SPOCK3: variants seen among roughly 807,000 people sequenced by gnomAD.
The protein encoded by SPOCK3 is testican-3.
In SPOCK3, 30 loss-of-function variants were observed where a neutral mutation model predicts 56.6. That is an observed-to-expected ratio of 0.53 (90% CI 0.40 to 0.72). The LOEUF (loss-of-function observed/expected upper bound fraction) is 0.72. Ranked by LOEUF, SPOCK3 falls within the 30% of genes least tolerant of loss-of-function variation. The pLI, the probability that SPOCK3 is intolerant of heterozygous loss-of-function variation, is 0.00. For synonymous variants in SPOCK3, 196 were observed against 183.3 expected, an observed-to-expected ratio of 1.07 and a Z score of -0.56; for missense variants, 527 against 530.0, an observed-to-expected ratio of 0.99 and a Z score of 0.06.
chr4:167,049,423 G>A (rs932223833), intron 3 of SPOCK3, among the ~76,000 whole-genome samples: 15 of 152,098 alleles, frequency 9.9e-5, no homozygotes, highest in Non-Finnish European at 1.5e-4. Context: ...GAGGGTTTAC[G>A]TGAAAGCAAA....
chr4:167,182,179 T>A (rs983223921), intron 2 of SPOCK3, among the ~76,000 whole-genome samples: 1 of 152,180 alleles, frequency 6.6e-6, no homozygotes, highest in South Asian at 2.1e-4. Context: ...CTGCCTAATC[T>A]GGCAACTTTT....
intron 4 of SPOCK3, among the ~76,000 whole-genome samples, chr4:166,940,497 C>A (rs1740926529): frequency 6.6e-6 from 1 of 151,972 alleles, no homozygotes; most frequent in South Asian, 2.1e-4. Flanking sequence ...AGCATTTGCA[C>A]TGTAATTCAG....
chr4:167,059,909 A>T (rs1395829021), intron 3 of SPOCK3, among the ~76,000 whole-genome samples: 2 of 151,938 alleles, frequency 1.3e-5, no homozygotes, highest in East Asian at 3.9e-4. Context: ...AGAACAAAAA[A>T]CCAAACACCG....
chr4:167,179,615 C>T (rs967427430), intron 2 of SPOCK3, among the ~76,000 whole-genome samples: 5 of 152,104 alleles, frequency 3.3e-5, no homozygotes, highest in South Asian at 2.1e-4. Context: ...ATTTAATGAA[C>T]AGCCATGACA....
chr4:166,965,203 T>A (rs887888746), intron 4 of SPOCK3, among the ~76,000 whole-genome samples: 3 of 152,010 alleles, frequency 2.0e-5, no homozygotes, highest in African/African-American at 7.2e-5. Context: ...GTCAATATTT[T>A]ACCAATTCAT....
chr4:166,945,908 T>A (rs984903195), intron 4 of SPOCK3, among the ~76,000 whole-genome samples: 5 of 152,302 alleles, frequency 3.3e-5, no homozygotes, highest in Admixed American at 2.0e-4. Flanking sequence ...CATACTCTGC[T>A]CCACTTAAAG....
At chr4:166,740,831 G>A (rs183604020) in intron 9 of SPOCK3, among the ~76,000 whole-genome samples, 40 of 152,198 alleles carry the variant, frequency 2.6e-4, no homozygotes, top group Admixed American at 1.8e-3. Context: ...CAGCCAGAAT[G>A]TATTATTTTC....
At chr4:166,770,803 C>T (rs1224926812) in intron 7 of SPOCK3, among the ~76,000 whole-genome samples, 1 of 151,876 alleles carries the variant, frequency 6.6e-6, no homozygotes, top group Non-Finnish European at 1.5e-5. Flanking sequence ...AAGATACAGA[C>T]TGGTTAAGAG....
At chr4:166,808,086 A>C (rs1743365646) in intron 6 of SPOCK3, among the ~76,000 whole-genome samples, 1 of 152,190 alleles carries the variant, frequency 6.6e-6, no homozygotes, top group Non-Finnish European at 1.5e-5. Flanking sequence ...ACACAGAAAA[A>C]GCACAGTCAT....
chr4:166,955,518 ATAT>A (rs1410169871), intron 4 of SPOCK3, among the ~76,000 whole-genome samples: 2 of 105,124 alleles, frequency 1.9e-5, no homozygotes, highest in South Asian at 2.5e-4. Context: ...TTATTAAATT[ATAT>A]TATATTATTA....
intron 5 of SPOCK3, among the ~76,000 whole-genome samples, chr4:166,903,412 A>G (rs1736270923): frequency 6.6e-6 from 1 of 151,994 alleles, no homozygotes; most frequent in Non-Finnish European, 1.5e-5. Context: ...GCTCAAAAGC[A>G]TCAACATTAT....
At chr4:167,195,412 T>A (rs1304155214) in intron 2 of SPOCK3, among the ~76,000 whole-genome samples, 1 of 152,100 alleles carries the variant, frequency 6.6e-6, no homozygotes, top group Non-Finnish European at 1.5e-5. Context: ...AAGAAGGTAA[T>A]TAGGAGTGCA....
rs550793430 is a variant in SPOCK3 at position 167,040,006 on chromosome 4, T to C, written c.235+22486A>G. On this transcript the variant is annotated intron_variant, in intron 3 of 10. Transcript: ENST00000357545. ...GCCTTGAGTTAATTAATTTTTCCAG[T>C]TTTGCAGAACGACTAAGTTGTAAAG... 4.6e-5 allele frequency among the ~76,000 whole-genome samples: 7 copies of C among 152,294 alleles called. No homozygotes were observed. The East Asian group carries it at 1.3e-3, about 29-fold the overall frequency.
chr4:166,971,411 C>G (rs896178433), intron 4 of SPOCK3, among the ~76,000 whole-genome samples: 1 of 150,922 alleles, frequency 6.6e-6, no homozygotes, highest in South Asian at 2.1e-4. Context: ...TAAGAGGATT[C>G]GAAGATTACT....
At position 166,794,796 on chromosome 4, in the gene SPOCK3, C is replaced by A. The variant is rs534199753; in HGVS notation, c.590-2507G>T. 2.4e-3 allele frequency among the ~76,000 whole-genome samples: 368 copies of A among 151,968 alleles called. 1 individual carries two copies. The highest frequency in any genetic ancestry group is 4.4e-3 in the Non-Finnish European group (299 of 67,928). ...TAGCTGGGATTACAAGCCCCCGCCA[C>A]CAGGCCCAGCTAATTTTTGTATTTT... On this transcript the variant is annotated intron_variant, in intron 6 of 10. Transcript: ENST00000357545.
intron 5 of SPOCK3, among the ~76,000 whole-genome samples, chr4:166,893,667 C>G (rs1020277291): frequency 1.1e-4 from 16 of 152,042 alleles, no homozygotes; most frequent in African/African-American, 3.6e-4. Flanking sequence ...ATAGAAATAG[C>G]AGCAATGTTA....
intron 2 of SPOCK3, among the ~76,000 whole-genome samples, chr4:167,164,638 G>A (rs1399870027): frequency 6.7e-6 from 1 of 148,584 alleles, no homozygotes; most frequent in Non-Finnish European, 1.5e-5. Context: ...TCCCCTCCCT[G>A]TGTCCATGTC....
At chr4:167,066,915 C>T (rs988373273) in intron 2 of SPOCK3, among the ~76,000 whole-genome samples, 7 of 151,776 alleles carry the variant, frequency 4.6e-5, no homozygotes, top group African/African-American at 9.7e-5. Flanking sequence ...TGAGGTGGGT[C>T]GGAAGGATAA....
intron 5 of SPOCK3, among the ~76,000 whole-genome samples, chr4:166,910,378 T>C (rs1283795794): frequency 1.3e-5 from 2 of 152,090 alleles, no homozygotes; most frequent in Non-Finnish European, 2.9e-5. Flanking sequence ...ATCTATAAGA[T>C]TGGTTTTGTT....
Sources: gnomAD v4.1 joint callset for allele counts (sites outside exome capture counted in the v4.1 genomes callset) on GRCh38, gnomAD v4.1.1 for gene constraint, MANE v1.5 for transcripts, NCBI Gene and HGNC (gene_info 2026-07-23, HGNC 2026-07-21) for gene names.